CHMP4A: variants seen among roughly 807,000 people sequenced by gnomAD.
The protein encoded by CHMP4A is charged multivesicular body protein 4A, also known as SNF7 homolog associated with Alix-2.
CHMP4A carries 29 observed loss-of-function variants against 28.2 expected under a neutral mutation model. The observed-to-expected ratio is 1.03, with a 90% CI of 0.77 to 1.40. CHMP4A has a LOEUF of 1.40. CHMP4A is among the 40% of genes most tolerant of loss of function. The pLI is 0.00. For missense variants in CHMP4A, 241 were observed against 263.5 expected, an observed-to-expected ratio of 0.91 and a Z score of 0.59; for synonymous variants, 88 against 99.3, an observed-to-expected ratio of 0.89 and a Z score of 0.67.
At chr14:24,211,225 G>T in intron 3 of CHMP4A, 190 bp downstream of exon 3, 1 of 530,804 alleles carries the variant, frequency 1.9e-6, no homozygotes, top group Non-Finnish European at 3.3e-6. Flanking sequence ...ATTAGAGAAG[G>T]CATCTTTCCT....
In CHMP4A at chr14:24,211,441, T is replaced by C; in HGVS notation, c.333A>G (p.Gln111=). 1.2e-6 allele frequency: 2 copies of C among 1,610,574 alleles called. No homozygotes were observed. Among genetic ancestry groups the C allele is most frequent in the Non-Finnish European group, 1.7e-6 (2 of 1,177,072 alleles). The part of the protein sequence containing the change: ...EVLRTMELAA[Q]SMKKAYQDMD... ...TGTCCTGGTAGGCCTTCTTCATGCTTTGGGCAGCAAGCTCCATGGTACGAA... is the reference window on the plus strand; with the variant it reads ...TGTCCTGGTAGGCCTTCTTCATGCTCTGGGCAGCAAGCTCCATGGTACGAA... The change falls in exon 3 of 6, where the codon CAA becomes CAG. Residue 111 remains glutamine, a synonymous_variant. Transcript: ENST00000347519.
At position 24,212,722 on chromosome 14, in the gene CHMP4A, A is replaced by ATTT. The variant is rs71119067; in HGVS notation, c.31+684_31+686dup. Reference sequence around the variant, plus strand: ...AGGCGCGTGCCACCACAACCAGCTAATTTTTTTTTTTTTTTTGTATTTTTA... The same window carrying ATTT: ...AGGCGCGTGCCACCACAACCAGCTAATTTTTTTTTTTTTTTTTTTGTATTTTTA... On this transcript the variant is annotated intron_variant, in intron 1 of 5. Transcript: ENST00000347519. 7.0e-4 allele frequency: 107 copies of ATTT among 151,850 alleles called. 1 individual carries two copies. The highest frequency in any genetic ancestry group is 3.1e-3 in the Middle Eastern group (1 of 326). 9.4% of individuals were successfully genotyped at this position (151,850 alleles called of 1,614,324 possible).
In CHMP4A at chr14:24,211,414, C is replaced by T. The variant is rs1257252125; in HGVS notation, c.359+1G>A. 6.2e-7 allele frequency: 1 copy of T among 1,601,182 alleles called. No individual in the cohort carries two copies. The highest frequency in any genetic ancestry group is 1.3e-5 in the African/African-American group (1 of 74,838). On this transcript the variant is annotated splice_donor_variant, in intron 3 of 5. Coordinates refer to ENST00000347519, the MANE Select transcript of CHMP4A (RefSeq NM_014169.5). LOFTEE classifies it high-confidence loss of function. ...CCCTCCACCCCTCCCCCCGTACCCA[C>T]ATGTCCTGGTAGGCCTTCTTCATGC...
intron 1 of CHMP4A, 32 bp downstream of exon 1, chr14:24,213,377 C>T (rs1489074785): frequency 6.5e-7 from 1 of 1,543,698 alleles, no homozygotes; most frequent in East Asian, 2.4e-5. Flanking sequence ...CCAGCCAGCG[C>T]CTCCTGGCTG....
At chr14:24,210,014 C>T (rs2039576846) in intron 5 of CHMP4A, 79 bp from the exon 6 acceptor site, 2 of 1,272,082 alleles carry the variant, frequency 1.6e-6, no homozygotes, top group East Asian at 4.6e-5. Flanking sequence ...CCTGCTATGA[C>T]ATTCAGAGCC....
rs1046903000 is a variant in CHMP4A at position 24,213,247 on chromosome 14, G to A, written c.31+162C>T. 6 of 833,168 alleles carry A rather than the reference G, an allele frequency of 7.2e-6. No individual in the cohort carries two copies. In the African/African-American group the frequency reaches 9.0e-5, roughly 12 times the overall value. 51.6% of individuals were successfully genotyped at this position (833,168 alleles called of 1,614,324 possible). Reference sequence around the variant, plus strand: ...ACATGGTGTGCCTTTTGGCACCGGCGATGAGCCTTGCTCCGCCATCGGCCG... The same window carrying A: ...ACATGGTGTGCCTTTTGGCACCGGCAATGAGCCTTGCTCCGCCATCGGCCG... On this transcript the variant is annotated intron_variant, in intron 1 of 5. Coordinates refer to ENST00000347519, the MANE Select transcript of CHMP4A (RefSeq NM_014169.5).
intron 1 of CHMP4A, among the ~76,000 whole-genome samples, chr14:24,212,274 T>C (rs1481852927): frequency 6.6e-6 from 1 of 151,988 alleles, no homozygotes; most frequent in African/African-American, 2.4e-5. Flanking sequence ...TTTGTGTTTT[T>C]AGTACAGACA....
chr14:24,211,775 G>A lies in CHMP4A; in HGVS notation c.86C>T (p.Thr29Ile), dbSNP rs774307454. 2 of 1,613,920 alleles carry A rather than the reference G, an allele frequency of 1.2e-6. No homozygotes were observed. Among genetic ancestry groups the A allele is most frequent in the African/African-American group, 1.3e-5 (1 of 74,870 alleles). Residue 29 changes from threonine to isoleucine, a missense_variant, in exon 2 of 6, where the codon ACA becomes ATA. By Grantham distance (89) the Thr-to-Ile change is moderately conservative. Transcript: ENST00000347519. ...CTGTTTCTTGATCAGTATCTTCTCT[G>A]TCTCCTTCAGTTTCTGTATTGCTTC... Reference protein sequence around the residue: ...PEEAIQKLKETEKILIKKQEF... With the variant: ...PEEAIQKLKEIEKILIKKQEF...
intron 1 of CHMP4A, 28 bp from the exon 2 acceptor site, chr14:24,211,857 A>T (rs1481391160): frequency 1.9e-6 from 3 of 1,579,026 alleles, no homozygotes; most frequent in Non-Finnish European, 2.6e-6. Context: ...GTAGGCCCAA[A>T]TTTTGTGAAG....
rs1594469635 is a variant in CHMP4A at position 24,210,972 on chromosome 14, T to G, written c.360-204A>C. 1.5e-5 allele frequency: 8 copies of G among 549,290 alleles called. No homozygotes were observed. In the East Asian group the frequency reaches 2.5e-4, roughly 17 times the overall value. 34.0% of individuals were successfully genotyped at this position (549,290 alleles called of 1,614,324 possible). A position where few individuals can be genotyped will look rare whatever the true frequency, so the allele number is the denominator to read the frequency against. On this transcript the variant is annotated intron_variant, in intron 3 of 5. Coordinates refer to ENST00000347519, the MANE Select transcript of CHMP4A (RefSeq NM_014169.5). ...GCCAAGGCAGGTGGATCACCTGAGGTCAGGAGTTCAAGACCAGCCTGGCCA... is the reference window on the plus strand; with the variant it reads ...GCCAAGGCAGGTGGATCACCTGAGGGCAGGAGTTCAAGACCAGCCTGGCCA...
intron 5 of CHMP4A, 118 bp from the exon 6 acceptor site, chr14:24,210,053 C>A (rs1487627985): frequency 9.7e-6 from 10 of 1,032,890 alleles, no homozygotes; most frequent in African/African-American, 1.6e-5. Context: ...CAGCAAAAAA[C>A]CTAAAGGTAT....
intron 3 of CHMP4A, 170 bp from the exon 4 acceptor site, chr14:24,210,938 C>T (rs2039586095): frequency 1.7e-6 from 1 of 598,284 alleles, no homozygotes; most frequent in East Asian, 2.9e-5. Context: ...GATCCCAGCA[C>T]TTTGGGAGGC....
At chr14:24,210,233 G>A (rs1318291522) in intron 5 of CHMP4A, 115 bp downstream of exon 5, 6 of 1,383,104 alleles carry the variant, frequency 4.3e-6, no homozygotes, top group Non-Finnish European at 5.9e-6. Flanking sequence ...CTGCACAACT[G>A]CAGCAGCAGC....
intron 1 of CHMP4A, 163 bp downstream of exon 1, chr14:24,213,246 C>A (rs1023074732): frequency 2.5e-6 from 2 of 812,598 alleles, no homozygotes; most frequent in Non-Finnish European, 3.6e-6. Context: ...TTGGCACCGG[C>A]GATGAGCCTT....
At position 24,210,501 on chromosome 14, in the gene CHMP4A, G is replaced by C; in HGVS notation, c.475-18C>G. On this transcript the variant is annotated intron_variant, in intron 4 of 5. Transcript: ENST00000347519. ...AGTTCATCCTGGATAGGGAAGACAA[G>C]ACCACTTTAGATGAAGAAAAAAACT... 4 of 1,609,276 alleles carry C rather than the reference G, an allele frequency of 2.5e-6. No homozygotes were observed. The highest frequency in any genetic ancestry group is 3.4e-6 in the Non-Finnish European group (4 of 1,178,540).
Position 24,213,432 on chromosome 14 carries a change from C to G in CHMP4A, c.8G>C (p.Gly3Ala). 1.9e-6 allele frequency: 3 copies of G among 1,610,596 alleles called. No homozygotes were observed. Among genetic ancestry groups the G allele is most frequent in the Middle Eastern group, 1.7e-4 (1 of 6,034 alleles). Residue 3 changes from glycine to alanine, a missense_variant, in exon 1 of 6, where the codon GGT becomes GCT. By Grantham distance (60) the Gly-to-Ala change is moderately conservative (BLOSUM62 0). Coordinates refer to ENST00000347519, the MANE Select transcript of CHMP4A (RefSeq NM_014169.5). ...ACCCTTCCCGAAGAGCCTGCCGAGA[C>G]CACTCATCGCGAGCTCGCCTCTCCC... MS[G>A]LGRLFGKGKK...
At chr14:24,211,307 G>GT (rs1390351254) in intron 3 of CHMP4A, 108 bp downstream of exon 3, 2 of 988,676 alleles carry the variant, frequency 2.0e-6, no homozygotes, top group Non-Finnish European at 2.9e-6. Context: ...GCCATCACAA[G>GT]TATCTATACT....
rs201480938 is a variant in CHMP4A at position 24,211,554 on chromosome 14, G to A, written c.220C>T (p.Gln74Ter). 8 of 1,613,768 alleles carry A rather than the reference G, an allele frequency of 5.0e-6. No homozygotes were observed. The highest frequency in any genetic ancestry group is 5.9e-6 in the Non-Finnish European group (7 of 1,179,650). ...QALRRKKRFE[Q>*]QLAQTDGTLS... ...GTCCCGTCAGTTTGTGCCAGCTGCT[G>A]TTCGAATCTTTTCTTCCTCCGCAAA... The change falls in exon 3 of 6, where the codon CAG (glutamine) becomes TAG (stop). Residue 74 changes from glutamine (Q) to a stop codon, truncating the protein, a stop_gained. Coordinates refer to ENST00000347519, the MANE Select transcript of CHMP4A (RefSeq NM_014169.5). LOFTEE classifies it high-confidence loss of function.
chr14:24,209,800 C>T lies in CHMP4A; in HGVS notation c.*77G>A. On this transcript the variant is annotated 3_prime_UTR_variant, in exon 6 of 6. Transcript: ENST00000347519. ...AGCATGACTTCCCCAAAAAGTTATCCTCCTTTAGCTCAGCACTTGGCACTT... is the reference window on the plus strand; with the variant it reads ...AGCATGACTTCCCCAAAAAGTTATCTTCCTTTAGCTCAGCACTTGGCACTT... 1 of 1,412,060 alleles carries T rather than the reference C, an allele frequency of 7.1e-7. No individual in the cohort carries two copies. The highest frequency in any genetic ancestry group is 1.0e-6 in the Non-Finnish European group (1 of 997,864). The allele number at this position is 1,412,060 out of a possible 1,614,324, so 87.5% of individuals were successfully genotyped here. A position where few individuals can be genotyped will look rare whatever the true frequency, so the allele number is the denominator to read the frequency against.
Sources: gnomAD v4.1 joint callset for allele counts (sites outside exome capture counted in the v4.1 genomes callset) on GRCh38, gnomAD v4.1.1 for gene constraint, MANE v1.5 for transcripts, NCBI Gene and HGNC (gene_info 2026-07-23, HGNC 2026-07-21) for gene names.